The following DND1 variants were observed in gnomAD, a reference collection of about 807,000 sequenced individuals.
The protein encoded by DND1 is dead end protein homolog 1.
In DND1, 6 loss-of-function variants were observed where a neutral mutation model predicts 30.4. The observed-to-expected ratio is 0.20, with a 90% confidence interval of 0.11 to 0.39. The LOEUF is 0.39. DND1 is among the 10% of genes least tolerant of loss of function. DND1 has a pLI of 1.00. For synonymous variants in DND1, 178 were observed against 210.4 expected (o/e 0.85, Z 1.33); for missense variants, 358 against 474.9 (o/e 0.75, Z 2.29).
At chr5:140,672,234 G>A (rs1758100589) in intron 3 of DND1, 3 of 611,648 alleles carry the variant, frequency 4.9e-6, no homozygotes, top group Non-Finnish European at 8.6e-6. Context: ...TGAGAATTAA[G>A]TCAGGAGGTA....
At position 140,671,440 on chromosome 5, in the gene DND1, G is replaced by A; in HGVS notation, c.915C>T (p.Ile305=). Residue 305 remains isoleucine, a synonymous_variant, in exon 4 of 4, where the codon ATC becomes ATT. Transcript: ENST00000542735. The part of the protein sequence containing the change: ...PGHPVPFSGL[I]WVVLTLDGRD... ...GGCCATCTAGGGTCAGCACAACCCA[G>A]ATGAGGCCGCTGAAGGGCACCGGAT... is the stretch of plus-strand genomic sequence containing the variant. 1 of 1,611,762 alleles carries A rather than the reference G, an allele frequency of 6.2e-7. No homozygotes were observed. Among genetic ancestry groups the A allele is most frequent in the South Asian group, 1.1e-5 (1 of 90,980 alleles).
rs1368742724 is a variant in DND1 at position 140,672,037 on chromosome 5, A to C, written c.605-287T>G. On this transcript the variant is annotated intron_variant, in intron 3 of 3. Coordinates refer to ENST00000542735, the MANE Select transcript of DND1 (RefSeq NM_194249.3). ...AATCTTTACTGGGAAAACTTGCTGT[A>C]AGTCAGTCAGTGTGCTAAGTACCGT... The C allele has an allele frequency of 1.0e-5, 6 of 572,908 alleles. No individual in the cohort carries two copies. The East Asian group carries it at 1.2e-4, about 11-fold the overall frequency. 35.5% of individuals were successfully genotyped at this position (572,908 alleles called of 1,614,324 possible).
Position 140,672,569 on chromosome 5 carries a change from C to G in DND1, c.480G>C (p.Pro160=). Residue 160 remains proline (P), a synonymous_variant, in exon 3 of 4, where the codon CCG becomes CCC. Coordinates refer to ENST00000542735, the MANE Select transcript of DND1 (RefSeq NM_194249.3). ...TRSALLLALQ[P]LGPGLQEARL... is the part of the protein sequence containing the mutation. ...GCGCCTCCTGCAAGCCGGGACCCAG[C>G]GGCTGCAGCGCGAGCAGCAGCGCGC... 6.3e-7 allele frequency: 1 copy of G among 1,581,098 alleles called. No homozygotes were observed. Among genetic ancestry groups the G allele is most frequent in the South Asian group, 1.1e-5 (1 of 88,822 alleles).
chr5:140,672,951 G>C, intron 2 of DND1, 45 bp from the exon 3 acceptor site: 11 of 1,532,958 alleles, frequency 7.2e-6, no homozygotes, highest in Non-Finnish European at 9.6e-6. Flanking sequence ...CGACGCTTTC[G>C]AATTCTGAGC....
Position 140,673,566 on chromosome 5 carries a change from A to G in DND1, c.-24T>C, listed in dbSNP as rs1758165589. ...ATGGCTCTCCAGCTGGCCCCCTCGT[A>G]CCCTCTTTATAACTTCCTCCCCACC... is the stretch of plus-strand genomic sequence containing the variant. On this transcript the variant is annotated 5_prime_UTR_variant, in exon 1 of 4. Transcript: ENST00000542735. 1.9e-6 allele frequency: 3 copies of G among 1,560,302 alleles called. No homozygotes were observed. The highest frequency in any genetic ancestry group is 1.7e-4 in the Middle Eastern group (1 of 6,000).
At position 140,671,732 on chromosome 5, in the gene DND1, C is replaced by A; in HGVS notation, c.623G>T (p.Gly208Val). 1.3e-6 allele frequency: 2 copies of A among 1,576,376 alleles called. No homozygotes were observed. Among genetic ancestry groups the A allele is most frequent in the Non-Finnish European group, 1.7e-6 (2 of 1,160,378 alleles). The change falls in exon 4 of 4, where the codon GGA becomes GTA. Residue 208 changes from glycine (G) to valine (V), a missense_variant. Gly to Val is a moderately radical substitution (Grantham distance 109). Around this residue, in one of 3 missense-constraint regions of DND1, gnomAD observed 176 missense variants for 235.2 expected, o/e 0.75. Transcript: ENST00000542735. ...GAGCCACTCCACAGCCACCTGCTCT[C>A]CACAGAGGTGTGACTGCCCTGTAGG... ...ALVEGQSHLC[G>V]EQVAVEWLKP...
chr5:140,673,356 C>T lies in DND1; in HGVS notation c.57G>A (p.Lys19=), dbSNP rs1397008853. ...LWCERVNPEN[K]AALEAWVRET... is the part of the protein sequence containing the mutation. ...CCCTGACCCACGCCTCCAGCGCCGC[C>T]TTGTTCTCTGGATTCACCCTCTCAC... Residue 19 remains lysine (K), a synonymous_variant, in exon 2 of 4, where the codon AAG becomes AAA. Transcript: ENST00000542735. 6.2e-7 allele frequency: 1 copy of T among 1,614,156 alleles called. No individual in the cohort carries two copies. Among genetic ancestry groups the T allele is most frequent in the Middle Eastern group, 1.6e-4 (1 of 6,062 alleles).
At chr5:140,672,152 CAATTTCTCTA>C in intron 3 of DND1, 3 of 561,048 alleles carry the variant, frequency 5.3e-6, no homozygotes, top group Non-Finnish European at 6.4e-6. Context: ...TTGAGCAAAT[CAATTTCTCTA>C]ACAGTTTCCT....
chr5:140,673,073 G>A (rs1758136898), intron 2 of DND1, 167 bp from the exon 3 acceptor site: 3 of 1,006,206 alleles, frequency 3.0e-6, no homozygotes, highest in African/African-American at 3.1e-5. Flanking sequence ...CTAACAAGGG[G>A]GCTGGCACAG....
At chr5:140,673,492 C>T (rs1375378058) in intron 1 of DND1, 27 bp downstream of exon 1, 1 of 1,606,994 alleles carries the variant, frequency 6.2e-7, no homozygotes, top group African/African-American at 1.3e-5. Context: ...GCGGGGCTCG[C>T]CGGCCCCCAA....
rs928359466 is a variant in DND1 at position 140,670,966 on chromosome 5, C to T, written c.*327G>A. On this transcript the variant is annotated 3_prime_UTR_variant, in exon 4 of 4. Transcript: ENST00000542735. ...AACCAACAAAGAGGACAAATCAGGA[C>T]AATAAAGAAGATTCATGCTAAGCTG... 1 of 399,904 alleles carries T rather than the reference C, an allele frequency of 2.5e-6. No individual in the cohort carries two copies. The highest frequency in any genetic ancestry group is 2.4e-5 in the African/African-American group (1 of 41,830). 24.8% of individuals were successfully genotyped at this position (399,904 alleles called of 1,614,324 possible). A position where few individuals can be genotyped will look rare whatever the true frequency, so the allele number is the denominator to read the frequency against.
chr5:140,673,184 A>T, intron 2 of DND1, 87 bp downstream of exon 2: 2 of 1,438,398 alleles, frequency 1.4e-6, no homozygotes, highest in Non-Finnish European at 2.0e-6. Flanking sequence ...GGTAGTTCGC[A>T]GTTTCTGACA....
At position 140,673,564 on chromosome 5, in the gene DND1, G is replaced by A. The variant is rs1235674349; in HGVS notation, c.-22C>T. On this transcript the variant is annotated 5_prime_UTR_variant, in exon 1 of 4. The change creates a new upstream start codon in the 5' untranslated region. Transcript: ENST00000542735. The stretch of plus-strand genomic sequence containing the variant: ...GCATGGCTCTCCAGCTGGCCCCCTC[G>A]TACCCTCTTTATAACTTCCTCCCCA... 1.9e-6 allele frequency: 3 copies of A among 1,562,296 alleles called. No homozygotes were observed. Among genetic ancestry groups the A allele is most frequent in the Non-Finnish European group, 1.7e-6 (2 of 1,152,616 alleles).
chr5:140,671,956 T>C (rs1758088288), intron 3 of DND1: 1 of 632,250 alleles, frequency 1.6e-6, no homozygotes, highest in Admixed American at 2.7e-5. Context: ...CAAGTTTCCT[T>C]GGAGAAGTAC....
chr5:140,673,498 C>A, intron 1 of DND1, 21 bp downstream of exon 1: 1 of 1,604,068 alleles, frequency 6.2e-7, no homozygotes, highest in Non-Finnish European at 8.5e-7. Flanking sequence ...CTCGCCGGCC[C>A]CCAAGTCGCC....
At chr5:140,671,969 G>T (rs1404163518) in intron 3 of DND1, 1 of 616,212 alleles carries the variant, frequency 1.6e-6, no homozygotes, top group African/African-American at 1.8e-5. Context: ...AGAAGTACTG[G>T]TTAATTGCAG....
Position 140,673,548 on chromosome 5 carries a change from T to C in DND1, c.-6A>G. On this transcript the variant is annotated 5_prime_UTR_variant, in exon 1 of 4. Coordinates refer to ENST00000542735, the MANE Select transcript of DND1 (RefSeq NM_194249.3). ...CAATCCCGCTTGGACTGCATGGCTC[T>C]CCAGCTGGCCCCCTCGTACCCTCTT... The C allele has an allele frequency of 1.3e-6, 2 of 1,575,758 alleles. No individual in the cohort carries two copies. The highest frequency in any genetic ancestry group is 1.1e-5 in the South Asian group (1 of 87,334).
intron 3 of DND1, 189 bp downstream of exon 3, chr5:140,672,256 G>A (rs1169757739): frequency 3.1e-6 from 2 of 647,210 alleles, no homozygotes; most frequent in Non-Finnish European, 5.3e-6. Flanking sequence ...TGCTCGGGAA[G>A]TGTCACAAAT....
Position 140,671,760 on chromosome 5 carries a change from A to G in DND1, c.605-10T>C. On this transcript the variant is annotated splice_polypyrimidine_tract_variant and intron_variant, in intron 3 of 3. Coordinates refer to ENST00000542735, the MANE Select transcript of DND1 (RefSeq NM_194249.3). The stretch of plus-strand genomic sequence containing the variant: ...CAGAGGTGTGACTGCCCTGTAGGAA[A>G]AATGCAAAGACAAGGGCAGGTCTAA... 1 of 1,562,618 alleles carries G rather than the reference A, an allele frequency of 6.4e-7. No individual in the cohort carries two copies. Among genetic ancestry groups the G allele is most frequent in the South Asian group, 1.2e-5 (1 of 84,878 alleles).
Sources: gnomAD v4.1 joint callset for allele counts on GRCh38, gnomAD v4.1.1 for gene constraint, gnomAD v4.1.1 regional missense constraint, MANE v1.5 for transcripts, NCBI Gene and HGNC (gene_info 2026-07-23, HGNC 2026-07-21) for gene names.